CAMTA1: variants seen among roughly 807,000 people sequenced by gnomAD.
CAMTA1 encodes calmodulin-binding transcription activator 1.
Under a neutral mutation model 170.9 loss-of-function variants are expected in CAMTA1, and 27 were observed. That is an observed-to-expected ratio of 0.16 (90% CI 0.12 to 0.22). The LOEUF (loss-of-function observed/expected upper bound fraction) is 0.22, where lower values mean the gene tolerates loss of function less well. Among genes scored for constraint, CAMTA1 ranks in the 10% least tolerant of loss-of-function variants. The pLI is 1.00. For missense variants in CAMTA1, 1,619 were observed against 2,217.2 expected (o/e 0.73, Z 5.42); for synonymous variants, 833 against 891.5 (o/e 0.93, Z 1.17).
chr1:7,163,070 A>G (rs1647565795), intron 4 of CAMTA1, among the ~76,000 whole-genome samples: 1 of 151,954 alleles, frequency 6.6e-6, no homozygotes, highest in Non-Finnish European at 1.5e-5. Flanking sequence ...TTGTGTAACA[A>G]TAGTCCCTGA....
intron 5 of CAMTA1, among the ~76,000 whole-genome samples, chr1:7,383,940 A>G (rs79327688): frequency 0.032 from 4,934 of 152,194 alleles, 244 homozygotes; most frequent in African/African-American, 0.11. Context: ...TTTTTCCAGT[A>G]TAGTGGGAGC....
At chr1:7,523,171 T>A (rs1474552399) in intron 6 of CAMTA1, among the ~76,000 whole-genome samples, 1 of 152,188 alleles carries the variant, frequency 6.6e-6, no homozygotes, top group Non-Finnish European at 1.5e-5. Flanking sequence ...CTGGCCCTGT[T>A]GATCTATTAA....
chr1:7,172,250 A>G (rs1649778321), intron 4 of CAMTA1, among the ~76,000 whole-genome samples: 1 of 152,058 alleles, frequency 6.6e-6, no homozygotes, highest in Non-Finnish European at 1.5e-5. Flanking sequence ...CCTGGGCTCA[A>G]GCGATTCTCC....
chr1:7,574,583 C>T (rs1430884083), intron 6 of CAMTA1, among the ~76,000 whole-genome samples: 1 of 152,190 alleles, frequency 6.6e-6, no homozygotes, highest in Non-Finnish European at 1.5e-5. Context: ...TTTTTAACTC[C>T]AGGATCAGCA....
chr1:6,841,974 C>G (rs1655915236), intron 3 of CAMTA1, among the ~76,000 whole-genome samples: 1 of 152,014 alleles, frequency 6.6e-6, no homozygotes, highest in African/African-American at 2.4e-5. Context: ...AGTGTAGAAC[C>G]TCTGCCCTTT....
intron 3 of CAMTA1, among the ~76,000 whole-genome samples, chr1:6,937,418 CCACTACCATCATCACCATCAT>C: frequency 1.3e-5 from 2 of 151,746 alleles, no homozygotes; most frequent in Non-Finnish European, 2.9e-5. Flanking sequence ...ATCATCATCA[CCACTACCATCATCACCATCAT>C]CATCACCATC....
chr1:6,838,803 CTGGAGTGCAA>C (rs1224740413), intron 3 of CAMTA1, among the ~76,000 whole-genome samples: 1 of 152,170 alleles, frequency 6.6e-6, no homozygotes, highest in Non-Finnish European at 1.5e-5. Flanking sequence ...GTCACCCAGG[CTGGAGTGCAA>C]TGGTGCGATT....
Position 7,324,191 on chromosome 1 carries a change from G to T in CAMTA1, c.438+74565G>T, listed in dbSNP as rs577455842. Among the ~76,000 whole-genome samples, 5 of 152,308 alleles carry T rather than the reference G, an allele frequency of 3.3e-5. No homozygotes were observed. The South Asian group carries it at 8.3e-4, about 25-fold the overall frequency. On this transcript the variant is annotated intron_variant, in intron 5 of 22. Transcript: ENST00000303635. ...AGGCTATATTGTTGGGTGTACACAA[G>T]TTCAGAGTTGTAACTTCCTCTTGAA...
intron 4 of CAMTA1, among the ~76,000 whole-genome samples, chr1:7,109,734 TC>T (rs1353062886): frequency 2.0e-5 from 3 of 152,190 alleles, no homozygotes; most frequent in Admixed American, 6.5e-5. Context: ...AGATGAATCG[TC>T]CTCCCATTGG....
At chr1:7,085,203 C>G (rs1292944600) in intron 3 of CAMTA1, among the ~76,000 whole-genome samples, 1 of 152,192 alleles carries the variant, frequency 6.6e-6, no homozygotes, top group Admixed American at 6.5e-5. Context: ...CAGTGCAACT[C>G]TGGCACTCAC....
chr1:7,669,482 C>G (rs1003356368), intron 9 of CAMTA1, among the ~76,000 whole-genome samples: 1 of 152,232 alleles, frequency 6.6e-6, no homozygotes, highest in Non-Finnish European at 1.5e-5. Flanking sequence ...AGAGGCCAAG[C>G]AAGAATGAGT....
chr1:6,940,038 G>T (rs967564482), intron 3 of CAMTA1, among the ~76,000 whole-genome samples: 1 of 152,398 alleles, frequency 6.6e-6, no homozygotes, highest in East Asian at 1.9e-4. Flanking sequence ...CAGCATATCC[G>T]TGTCTAAGCA....
At chr1:7,656,254 TCA>T (rs2095902359) in intron 7 of CAMTA1, among the ~76,000 whole-genome samples, 1 of 152,236 alleles carries the variant, frequency 6.6e-6, no homozygotes, top group African/African-American at 2.4e-5. Flanking sequence ...ATTGATCGTC[TCA>T]CAGTCTGCAG....
intron 1 of CAMTA1, among the ~76,000 whole-genome samples, chr1:6,791,972 C>CTT (rs112975416): frequency 3.5e-5 from 5 of 143,508 alleles, no homozygotes; most frequent in South Asian, 2.2e-4. Context: ...TGTTTCTTTT[C>CTT]TTTTTTTTTT....
Position 7,510,629 on chromosome 1 carries a change from C to T in CAMTA1, c.510+42728C>T, listed in dbSNP as rs745726428. ...TCCATCAACAATCCATCAGAAATGACGTCAAGAATCTTTCAAGTGATGAAA... is the reference window on the plus strand; with the variant it reads ...TCCATCAACAATCCATCAGAAATGATGTCAAGAATCTTTCAAGTGATGAAA... On this transcript the variant is annotated intron_variant, in intron 6 of 22. Coordinates refer to ENST00000303635, the MANE Select transcript of CAMTA1 (RefSeq NM_015215.4). Among the ~76,000 whole-genome samples the T allele has an allele frequency of 2.0e-5, 3 of 146,508 alleles. 1 individual carries two copies. The highest frequency in any genetic ancestry group is 4.4e-4 in the East Asian group (2 of 4,582).
chr1:7,392,870 GATCAATCAATCA>G (rs368458285), intron 5 of CAMTA1, among the ~76,000 whole-genome samples: 3 of 150,938 alleles, frequency 2.0e-5, no homozygotes, highest in Admixed American at 6.6e-5. Flanking sequence ...ACTCTGTCTC[GATCAATCAATCA>G]ATCAATCAAT....
intron 5 of CAMTA1, among the ~76,000 whole-genome samples, chr1:7,384,952 C>T (rs1270721192): frequency 6.6e-6 from 1 of 152,166 alleles, no homozygotes; most frequent in African/African-American, 2.4e-5. Context: ...CCAGGACTCA[C>T]AGCCTCTCCT....
chr1:7,760,114 G>T (rs2096963311), intron 22 of CAMTA1, among the ~76,000 whole-genome samples: 2 of 152,174 alleles, frequency 1.3e-5, no homozygotes, highest in Admixed American at 6.5e-5. Flanking sequence ...TTCAGTAAAG[G>T]CAGGTGCAGT....
At position 7,249,253 on chromosome 1, in the gene CAMTA1, T is replaced by A. The variant is rs1197774118; in HGVS notation, c.303-238T>A. On this transcript the variant is annotated intron_variant, in intron 4 of 22. Transcript: ENST00000303635. The surrounding 1 kb of genome is among the most constrained non-coding windows in gnomAD (Gnocchi z 4.4). ...TACTTTGTGGTTATTACTGAGGGGA[T>A]GTTTTTTAAGCCTATCATTGACACA... is the stretch of plus-strand genomic sequence containing the variant. 6.6e-6 allele frequency among the ~76,000 whole-genome samples: 1 copy of A among 152,236 alleles called. No individual in the cohort carries two copies. Among genetic ancestry groups the A allele is most frequent in the Non-Finnish European group, 1.5e-5 (1 of 68,042 alleles).
Sources: allele counts gnomAD v4.1 joint callset (sites outside exome capture counted in the v4.1 genomes callset), GRCh38; gene constraint gnomAD v4.1.1; non-coding constraint Gnocchi (gnomAD v3.1); transcripts MANE v1.5; gene names NCBI Gene and HGNC (gene_info 2026-07-23, HGNC 2026-07-21).